Variants in GPALPP1 observed in about 807,000 individuals in gnomAD.
The protein encoded by GPALPP1 is GPALPP motifs-containing protein 1.
Under a neutral mutation model 38.9 loss-of-function variants are expected in GPALPP1, and 30 were observed. That is an observed-to-expected ratio of 0.77 (90% CI 0.58 to 1.05). The LOEUF (loss-of-function observed/expected upper bound fraction) is 1.05. Among genes scored for constraint, GPALPP1 ranks in the 50% least tolerant of loss-of-function variants. The pLI is 0.00. For missense variants in GPALPP1, 384 were observed against 408.8 expected, an observed-to-expected ratio of 0.94 and a Z score of 0.52; for synonymous variants, 120 against 139.2, an observed-to-expected ratio of 0.86 and a Z score of 0.97.
intron 3 of GPALPP1, among the ~76,000 whole-genome samples, chr13:45,007,305 T>C (rs948195451): frequency 7.9e-5 from 12 of 152,220 alleles, no homozygotes; most frequent in Non-Finnish European, 1.0e-4. Flanking sequence ...AAGAATATTA[T>C]TTTGGCAATA....
intron 1 of GPALPP1, chr13:44,990,540 G>C (rs996661743): frequency 6.6e-6 from 1 of 152,080 alleles, no homozygotes; most frequent in South Asian, 2.1e-4. Flanking sequence ...ATTGCACTAT[G>C]GTCTTCTACC....
intron 7 of GPALPP1, among the ~76,000 whole-genome samples, chr13:45,024,166 T>TGTGTGTGTGTGCGTGC (rs1566084452): frequency 1.8e-5 from 2 of 112,860 alleles, no homozygotes; most frequent in African/African-American, 7.3e-5. Flanking sequence ...TGTGTGTGTG[T>TGTGTGTGTGTGCGTGC]GTGTGTGTGT....
Position 45,029,277 on chromosome 13 carries a change from C to T in GPALPP1, c.*1274C>T, listed in dbSNP as rs1446252707. 1 of 152,140 alleles carries T rather than the reference C, an allele frequency of 6.6e-6. No homozygotes were observed. The highest frequency in any genetic ancestry group is 1.5e-5 in the Non-Finnish European group (1 of 68,024). The allele number at this position is 152,140 out of a possible 1,614,324, so 9.4% of individuals were successfully genotyped here. ...TGCAATGAAGAAAAGTTGAAGAATA[C>T]TCTTTGTCCATCTTTATTTCTTTGT... is the stretch of plus-strand genomic sequence containing the variant. On this transcript the variant is annotated 3_prime_UTR_variant, in exon 8 of 8. Transcript: ENST00000379151.
At chr13:44,996,521 T>C (rs1201406697) in intron 1 of GPALPP1, among the ~76,000 whole-genome samples, 1 of 151,496 alleles carries the variant, frequency 6.6e-6, no homozygotes, top group Non-Finnish European at 1.5e-5. Context: ...CATCTCACTG[T>C]CATCCTGGCT....
chr13:45,013,881 TAAAAG>T (rs1028955420), intron 4 of GPALPP1, among the ~76,000 whole-genome samples: 2 of 152,190 alleles, frequency 1.3e-5, no homozygotes, highest in Non-Finnish European at 2.9e-5. Context: ...TTTTTTTTAT[TAAAAG>T]AAATAACTCA....
At chr13:45,010,757 G>T (rs1874412337) in intron 4 of GPALPP1, among the ~76,000 whole-genome samples, 2 of 152,246 alleles carry the variant, frequency 1.3e-5, no homozygotes, top group African/African-American at 4.8e-5. Flanking sequence ...GCCAAGGCGG[G>T]TGGGTTGCTT....
At chr13:44,991,768 G>T (rs953617223) in intron 1 of GPALPP1, among the ~76,000 whole-genome samples, 1 of 152,164 alleles carries the variant, frequency 6.6e-6, no homozygotes, top group East Asian at 1.9e-4. Context: ...CAACCAGAGG[G>T]TAACTGCTTC....
At chr13:45,016,496 T>C (rs1874879967) in intron 6 of GPALPP1, among the ~76,000 whole-genome samples, 2 of 152,154 alleles carry the variant, frequency 1.3e-5, no homozygotes, top group African/African-American at 4.8e-5. Flanking sequence ...ATAAAATACA[T>C]TATTTTTAAT....
At chr13:45,019,678 T>C (rs1875252265) in intron 6 of GPALPP1, among the ~76,000 whole-genome samples, 1 of 151,460 alleles carries the variant, frequency 6.6e-6, no homozygotes, top group African/African-American at 2.4e-5. Flanking sequence ...TCCAGGGTGA[T>C]TTTATTATTT....
chr13:45,026,194 A>G (rs1326337355), intron 7 of GPALPP1, among the ~76,000 whole-genome samples: 1 of 152,200 alleles, frequency 6.6e-6, no homozygotes, highest in East Asian at 1.9e-4. Flanking sequence ...GACTTTATCA[A>G]TATTTATAAA....
chr13:45,002,574 T>G (rs575149809), intron 1 of GPALPP1: 9 of 152,368 alleles, frequency 5.9e-5, no homozygotes, highest in African/African-American at 2.2e-4. Context: ...ATATATTAAC[T>G]GATATAATCT....
At chr13:45,015,404 T>C in intron 5 of GPALPP1, 28 bp from the exon 6 acceptor site, 2 of 1,452,966 alleles carry the variant, frequency 1.4e-6, no homozygotes, top group Non-Finnish European at 1.9e-6. Context: ...ATGTACTTTC[T>C]ATGCTGTGTT....
chr13:45,037,037 T>C (rs1384907939), exon 8 of GPALPP1: 4 of 152,214 alleles, frequency 2.6e-5, no homozygotes, highest in African/African-American at 9.6e-5. Flanking sequence ...CATCATTGTT[T>C]TGAGATCTAG....
intron 2 of GPALPP1, chr13:45,005,086 C>CTTTTTTTTTTTTTTTTTTTTTTTTT (rs71759613): frequency 1.7e-5 from 1 of 57,482 alleles, no homozygotes; most frequent in African/African-American, 6.4e-5. Flanking sequence ...TAATGGTTTT[C>CTTTTTTTTTTTTTTTTTTTTTTTTT]TTTTTTTTTT....
At chr13:44,992,196 CAAT>C (rs1333409046) in intron 1 of GPALPP1, among the ~76,000 whole-genome samples, 4 of 152,156 alleles carry the variant, frequency 2.6e-5, no homozygotes, top group Non-Finnish European at 5.9e-5. Flanking sequence ...TGGTTTGTAG[CAAT>C]ATCTCATGGT....
rs1032048436 is a variant in GPALPP1, at chr13:45,035,441, G to C, written c.*2206G>C. 6 of 152,164 alleles carry C rather than the reference G, an allele frequency of 3.9e-5. No individual in the cohort carries two copies. In the South Asian group the frequency reaches 1.0e-3, roughly 26 times the overall value. 9.4% of individuals were successfully genotyped at this position (152,164 alleles called of 1,614,324 possible). ...CACTAATAACTGTCATTAGTTATCA[G>C]AACATTAATACATTGATCTGAACAT... On this transcript the variant is annotated 3_prime_UTR_variant, in exon 8 of 8. Transcript: ENST00000357537.
rs768352108 is a variant in GPALPP1 at position 45,015,422 on chromosome 13, T to C, written c.541-10T>C. ...TACTTTCTATGCTGTGTTTTTTTTT[T>C]CTCTTAAAGGATTCATCTAAACCCA... On this transcript the variant is annotated splice_polypyrimidine_tract_variant and intron_variant, in intron 5 of 7. Transcript: ENST00000379151. 8.5e-6 allele frequency: 13 copies of C among 1,532,234 alleles called. No homozygotes were observed. The highest frequency in any genetic ancestry group is 1.1e-5 in the Non-Finnish European group (13 of 1,137,386). The allele number at this position is 1,532,234 out of a possible 1,614,324, so 94.9% of individuals were successfully genotyped here. A position where few individuals can be genotyped will look rare whatever the true frequency, so the allele number is the denominator to read the frequency against.
intron 1 of GPALPP1, among the ~76,000 whole-genome samples, chr13:44,999,069 G>T (rs762887491): frequency 1.2e-4 from 18 of 152,276 alleles, no homozygotes; most frequent in South Asian, 8.3e-4. Context: ...AAATTTTATT[G>T]TTGCAATCTA....
intron 7 of GPALPP1, among the ~76,000 whole-genome samples, chr13:45,021,579 A>G (rs1179830350): frequency 6.6e-6 from 1 of 151,890 alleles, no homozygotes; most frequent in East Asian, 1.9e-4. Context: ...GAGTCAAGCT[A>G]TGGCTGTGCC....
Sources: allele counts gnomAD v4.1 joint callset (sites outside exome capture counted in the v4.1 genomes callset), GRCh38; gene constraint gnomAD v4.1.1; transcripts MANE v1.5; gene names NCBI Gene and HGNC (gene_info 2026-07-23, HGNC 2026-07-21).